DTL: variants seen among roughly 807,000 people sequenced by gnomAD.
The protein encoded by DTL is denticleless protein homolog.
Under a neutral mutation model 87.0 loss-of-function variants are expected in DTL, and 46 were observed. The observed-to-expected ratio is 0.53, with a 90% confidence interval of 0.42 to 0.68. The LOEUF is 0.68. Among genes scored for constraint, DTL ranks in the 30% least tolerant of loss-of-function variants. DTL has a pLI of 0.00. For synonymous variants in DTL, 308 were observed against 311.2 expected, an observed-to-expected ratio of 0.99 and a Z score of 0.11; for missense variants, 737 against 869.4, an observed-to-expected ratio of 0.85 and a Z score of 1.91.
Position 212,095,870 on chromosome 1 carries a change from G to C in DTL, c.1262-4382G>C, listed in dbSNP as rs567161385. Among the ~76,000 whole-genome samples, 3 of 152,278 alleles carry C rather than the reference G, an allele frequency of 2.0e-5. No homozygotes were observed. In the South Asian group the frequency reaches 6.2e-4, roughly 32 times the overall value. The stretch of plus-strand genomic sequence containing the variant: ...ATGTCCTTTCCTGGTTTTGGTATTA[G>C]AGTGATACTGGCTTCATAGGATGAT... On this transcript the variant is annotated intron_variant, in intron 13 of 14. Coordinates refer to ENST00000366991, the MANE Select transcript of DTL (RefSeq NM_016448.4).
At chr1:212,044,597 C>T (rs1297512284) in intron 2 of DTL, 63 bp from the exon 3 acceptor site, 15 of 1,003,994 alleles carry the variant, frequency 1.5e-5, no homozygotes, top group Admixed American at 8.6e-5. Flanking sequence ...AGCAAGACTC[C>T]GTCTGAAAAA....
At chr1:212,073,609 A>G (rs1444002132) in intron 11 of DTL, among the ~76,000 whole-genome samples, 1 of 152,176 alleles carries the variant, frequency 6.6e-6, no homozygotes, top group Non-Finnish European at 1.5e-5. Context: ...ATATAACTGG[A>G]GTTGTGAAAA....
rs74715176 is a variant in DTL at position 212,047,335 on chromosome 1, C to T, written c.378C>T (p.Asp126=). The stretch of plus-strand genomic sequence containing the variant: ...GTGATCAAACAGCCAAATTTTGGGA[C>T]GTAAAAGCTGGTGAGCTGATTGGAA... ...AAGDQTAKFW[D]VKAGELIGTC... The change falls in exon 5 of 15, where the codon GAC becomes GAT. Residue 126 remains aspartate, a synonymous_variant. Transcript: ENST00000366991. 212 of 1,614,134 alleles carry T rather than the reference C, an allele frequency of 1.3e-4. 1 individual carries two copies. In the East Asian group the frequency reaches 3.9e-3, roughly 30 times the overall value.
At chr1:212,095,179 T>C (rs1655409137) in intron 13 of DTL, among the ~76,000 whole-genome samples, 1 of 152,186 alleles carries the variant, frequency 6.6e-6, no homozygotes, top group South Asian at 2.1e-4. Flanking sequence ...CCAGTTCTCA[T>C]GGGGAATGCT....
At chr1:212,101,161 C>CTT (rs11422325) in intron 14 of DTL, 77 bp downstream of exon 14, 26,287 of 685,684 alleles carry the variant, frequency 0.038, 129 homozygotes, top group South Asian at 0.088. Context: ...AGTCAGGATG[C>CTT]TTTTTTTTTT....
chr1:212,093,437 T>C (rs1307291327), intron 13 of DTL, among the ~76,000 whole-genome samples: 1 of 152,212 alleles, frequency 6.6e-6, no homozygotes, highest in African/African-American at 2.4e-5. Context: ...AAGACTCGGA[T>C]CACATGTGGG....
rs548465111 is a variant in DTL, at chr1:212,044,789, C to T, written c.277+31C>T. ...TCTAGGTCTACAATTTTTGTTTTAA[C>T]ATTTAAAAAACTTTACACATCCTCA... On this transcript the variant is annotated intron_variant, in intron 3 of 14. Transcript: ENST00000366991. The T allele has an allele frequency of 1.9e-4, 268 of 1,395,406 alleles. 1 individual carries two copies. The South Asian group carries it at 2.9e-3, about 15-fold the overall frequency. The allele number at this position is 1,395,406 out of a possible 1,614,324, so 86.4% of individuals were successfully genotyped here. A position where few individuals can be genotyped will look rare whatever the true frequency, so the allele number is the denominator to read the frequency against.
intron 1 of DTL, among the ~76,000 whole-genome samples, chr1:212,042,044 C>A (rs947846911): frequency 2.6e-5 from 4 of 152,064 alleles, no homozygotes; most frequent in Non-Finnish European, 5.9e-5. Flanking sequence ...ATTCAGAGTA[C>A]CCTAAAATGT....
At chr1:212,066,730 G>A in intron 7 of DTL, 82 bp from the exon 8 acceptor site, 1 of 1,229,380 alleles carries the variant, frequency 8.1e-7, no homozygotes, top group South Asian at 1.3e-5. Context: ...GGGGAGAAAA[G>A]TCGTTTTTTA....
chr1:212,071,955 TC>T (rs1380842241), intron 10 of DTL, 145 bp from the exon 11 acceptor site: 2 of 584,814 alleles, frequency 3.4e-6, no homozygotes, highest in African/African-American at 1.9e-5. Context: ...AATGTCTAGT[TC>T]CCTTGTATTT....
rs753503472 is a variant in DTL, at chr1:212,068,369, GT to G, written c.817+45del. On this transcript the variant is annotated intron_variant, in intron 9 of 14. Coordinates refer to ENST00000366991, the MANE Select transcript of DTL (RefSeq NM_016448.4). ...TCTTTTGGGGGAGATAAGAGTTTTT[GT>G]TTAAAAAAAAAAAAAAAGGCTAATT... 10 of 948,152 alleles carry G rather than the reference GT, an allele frequency of 1.1e-5. No homozygotes were observed. In the East Asian group the frequency reaches 1.5e-4, roughly 14 times the overall value. 58.7% of individuals were successfully genotyped at this position (948,152 alleles called of 1,614,324 possible).
intron 5 of DTL, among the ~76,000 whole-genome samples, chr1:212,057,536 T>C (rs1198865642): frequency 6.6e-6 from 1 of 152,058 alleles, no homozygotes; most frequent in Non-Finnish European, 1.5e-5. Flanking sequence ...AAGAGCAATA[T>C]TTACTGTCAT....
intron 10 of DTL, among the ~76,000 whole-genome samples, chr1:212,071,019 G>A (rs1654654594): frequency 6.6e-6 from 1 of 152,154 alleles, no homozygotes; most frequent in Non-Finnish European, 1.5e-5. Context: ...CAGAATAAAG[G>A]AGCTTGTTTA....
intron 6 of DTL, among the ~76,000 whole-genome samples, chr1:212,064,284 C>A (rs1203487465): frequency 6.6e-6 from 1 of 152,112 alleles, no homozygotes; most frequent in African/African-American, 2.4e-5. Context: ...TAGCCCCTGC[C>A]CTGCCCACAC....
At chr1:212,080,535 C>A in intron 12 of DTL, 80 bp from the exon 13 acceptor site, 1 of 1,349,042 alleles carries the variant, frequency 7.4e-7, no homozygotes, top group Non-Finnish European at 1.0e-6. Context: ...AGTCACAAGG[C>A]CTTAAGACAC....
At chr1:212,095,765 A>C (rs1027786489) in intron 13 of DTL, among the ~76,000 whole-genome samples, 2 of 152,002 alleles carry the variant, frequency 1.3e-5, no homozygotes, top group African/African-American at 4.8e-5. Flanking sequence ...ATACTGTTGG[A>C]TTTGGTTAGC....
chr1:212,053,611 A>G (rs1457866740), intron 5 of DTL, among the ~76,000 whole-genome samples: 1 of 152,080 alleles, frequency 6.6e-6, no homozygotes, highest in Non-Finnish European at 1.5e-5. Context: ...TGTTTGAGAC[A>G]GGGTCTCACT....
chr1:212,048,110 T>C (rs1667859152), intron 5 of DTL, among the ~76,000 whole-genome samples: 1 of 152,248 alleles, frequency 6.6e-6, no homozygotes, highest in African/African-American at 2.4e-5. Context: ...CTAAATGAGC[T>C]ATAAGGCTGA....
intron 13 of DTL, among the ~76,000 whole-genome samples, chr1:212,083,945 A>G (rs899422421): frequency 6.6e-6 from 1 of 152,116 alleles, no homozygotes; most frequent in Non-Finnish European, 1.5e-5. Flanking sequence ...GACTGTTTCA[A>G]ACTGTCTTAT....
Sources: gnomAD v4.1 joint callset for allele counts (sites outside exome capture counted in the v4.1 genomes callset) on GRCh38, gnomAD v4.1.1 for gene constraint, MANE v1.5 for transcripts, NCBI Gene and HGNC (gene_info 2026-07-23, HGNC 2026-07-21) for gene names.